FBXL18: variants seen among roughly 807,000 people sequenced by gnomAD.
The protein encoded by FBXL18 is F-box and leucine rich repeat protein 18.
A neutral mutation model predicts 46.0 loss-of-function variants in FBXL18; 36 were observed. The observed-to-expected ratio is 0.78, with a 90% confidence interval of 0.60 to 1.03. The LOEUF (loss-of-function observed/expected upper bound fraction) is 1.03. FBXL18 is among the 50% of genes least tolerant of loss of function. The probability of loss-of-function intolerance (pLI) is 0.00; values close to 1 mark genes in which losing one functional copy is unlikely to be tolerated. For missense variants in FBXL18, 977 were observed against 1,004.1 expected, an observed-to-expected ratio of 0.97 and a Z score of 0.36; for synonymous variants, 557 against 465.3, an observed-to-expected ratio of 1.20 and a Z score of -2.54.
In FBXL18 at chr7:5,476,642, T is replaced by A. The variant is rs557703761; in HGVS notation, c.*5133A>T. On this transcript the variant is annotated 3_prime_UTR_variant, in exon 5 of 5. Transcript: ENST00000382368. ...ACAATGCCCAGCTAACTTTTTTTTT[T>A]ATTTTATGTAGCGATACAGTCTCAC... 2 of 151,948 alleles carry A rather than the reference T, an allele frequency of 1.3e-5. No homozygotes were observed. The highest frequency in any genetic ancestry group is 1.9e-4 in the East Asian group (1 of 5,138). 9.4% of individuals were successfully genotyped at this position (151,948 alleles called of 1,614,324 possible). A position where few individuals can be genotyped will look rare whatever the true frequency, so the allele number is the denominator to read the frequency against.
At position 5,476,046 on chromosome 7, in the gene FBXL18, G is replaced by T. The variant is rs1221247943; in HGVS notation, c.*5729C>A. ...GGCGAGACCCCCAGGTCCAGGGAAAGGTCTCCCCTTAAAACCACGTGGAGC... is the reference window on the plus strand; with the variant it reads ...GGCGAGACCCCCAGGTCCAGGGAAATGTCTCCCCTTAAAACCACGTGGAGC... On this transcript the variant is annotated 3_prime_UTR_variant, in exon 5 of 5. Transcript: ENST00000382368. The T allele has an allele frequency of 1.3e-5, 2 of 152,208 alleles. No homozygotes were observed. Among genetic ancestry groups the T allele is most frequent in the Admixed American group, 6.6e-5 (1 of 15,266 alleles). 9.4% of individuals were successfully genotyped at this position (152,208 alleles called of 1,614,324 possible). A position where few individuals can be genotyped will look rare whatever the true frequency, so the allele number is the denominator to read the frequency against.
rs759748743 is a variant in FBXL18, at chr7:5,501,975, C to T, written c.294G>A (p.Gln98=). The part of the protein sequence containing the change: ...LVKEIGREIQ[Q]LSMAGCYWLP... ...GCCAGTAGCAGCCAGCCATGCTCAG[C>T]TGCTGGATCTCCCGGCCGATCTCCT... The change falls in exon 3 of 5, where the codon CAG becomes CAA. Residue 98 remains glutamine (Q), a synonymous_variant. Transcript: ENST00000382368. 3.3e-5 allele frequency: 53 copies of T among 1,608,020 alleles called. No homozygotes were observed. Among genetic ancestry groups the T allele is most frequent in the Non-Finnish European group, 7.6e-6 (9 of 1,177,978 alleles).
At chr7:5,473,058 C>T (rs1379509059), downstream of FBXL18, among the ~76,000 whole-genome samples, 1 of 152,150 alleles carries the variant, frequency 6.6e-6, no homozygotes, top group Non-Finnish European at 1.5e-5. Flanking sequence ...TCAGCCCCCA[C>T]CCACTGCCCA....
In FBXL18 at chr7:5,455,763, A is replaced by AACAC. The variant is rs36071919; in HGVS notation, c.2001-7924_2001-7921dup. 3.3e-3 allele frequency among the ~76,000 whole-genome samples: 465 copies of AACAC among 142,722 alleles called. 5 individuals carry two copies. Among genetic ancestry groups the AACAC allele is most frequent in the African/African-American group, 0.01 (401 of 38,440 alleles). 93.6% of individuals were successfully genotyped at this position (142,722 alleles called of 152,430 possible). The stretch of plus-strand genomic sequence containing the variant: ...CCCCCACCCCCACTACACACACACA[A>AACAC]ACACACACACACACACACACACACC... On this transcript the variant is annotated intron_variant and NMD_transcript_variant, in intron 4 of 6. Transcript: ENST00000415009. The surrounding 1 kb of genome is among the most constrained non-coding windows in gnomAD (Gnocchi z 4.6).
Position 5,501,377 on chromosome 7 carries a change from G to C in FBXL18, c.892C>G (p.Pro298Ala). 6.2e-7 allele frequency: 1 copy of C among 1,614,044 alleles called. No individual in the cohort carries two copies. The highest frequency in any genetic ancestry group is 8.5e-7 in the Non-Finnish European group (1 of 1,180,032). The stretch of plus-strand genomic sequence containing the variant: ...GAAGAGCCGTTCAGCCAGGACTTGG[G>C]CAGCTGCAGGGCATCCAGCACGACA... ...RNVVLDALQL[P>A]KSWLNGSSLL... The change falls in exon 3 of 5, where the codon CCC becomes GCC. Residue 298 changes from proline to alanine, a missense_variant. Physicochemically the swap from Pro to Ala is conservative, Grantham distance 27. Coordinates refer to ENST00000382368, the MANE Select transcript of FBXL18 (RefSeq NM_024963.6).
At chr7:5,458,465 T>C (rs1783201968) in intron 4 of FBXL18, among the ~76,000 whole-genome samples, 1 of 151,614 alleles carries the variant, frequency 6.6e-6, no homozygotes, top group South Asian at 2.1e-4. Flanking sequence ...TTTGGGAGGC[T>C]GCGGCGGGCG....
chr7:5,497,671 G>A (rs1191481260), intron 3 of FBXL18, among the ~76,000 whole-genome samples: 2 of 152,146 alleles, frequency 1.3e-5, no homozygotes. Context: ...ATTTACAAGG[G>A]GCGCCCTTAT....
intron 3 of FBXL18, among the ~76,000 whole-genome samples, chr7:5,498,950 C>A (rs564934411): frequency 7.2e-5 from 11 of 152,294 alleles, no homozygotes; most frequent in Non-Finnish European, 1.2e-4. Context: ...AATTCTTATT[C>A]CTTAAATACT....
At chr7:5,464,371 C>G (rs187252858) in intron 4 of FBXL18, among the ~76,000 whole-genome samples, 1 of 151,748 alleles carries the variant, frequency 6.6e-6, no homozygotes, top group Non-Finnish European at 1.5e-5. Context: ...CCCAGCTATT[C>G]GGGAGGCTGA....
In FBXL18 at chr7:5,496,249, C is replaced by T. The variant is rs1784077751; in HGVS notation, c.1781+4239G>A. ...AATATCAAAGGGGTCAAGACCTGTA[C>T]ACCCATGAAAAGCACCTGGCAGAGG... On this transcript the variant is annotated intron_variant, in intron 3 of 4. Coordinates refer to ENST00000382368, the MANE Select transcript of FBXL18 (RefSeq NM_024963.6). The surrounding 1 kb of genome is among the most constrained non-coding windows in gnomAD (Gnocchi z 4.8). Among the ~76,000 whole-genome samples the T allele has an allele frequency of 6.6e-6, 1 of 152,150 alleles. No homozygotes were observed. The highest frequency in any genetic ancestry group is 6.5e-5 in the Admixed American group (1 of 15,272).
chr7:5,492,593 G>A (rs751190266), intron 3 of FBXL18, among the ~76,000 whole-genome samples: 4 of 152,036 alleles, frequency 2.6e-5, no homozygotes, highest in Non-Finnish European at 5.9e-5. Flanking sequence ...CTGAGGGTGT[G>A]GCCTTATTTG....
rs779728897 is a variant in FBXL18, at chr7:5,513,691, A to AACCGCG, written c.-23_-18dup. ...GCTGGCCATGTCGCCGGCGGGTCCG[A>AACCGCG]ACCGCGGCCGCGGGATCCGCAACCC... On this transcript the variant is annotated 5_prime_UTR_variant, in exon 1 of 5. Coordinates refer to ENST00000382368, the MANE Select transcript of FBXL18 (RefSeq NM_024963.6). 2 of 1,600,696 alleles carry AACCGCG rather than the reference A, an allele frequency of 1.2e-6. No individual in the cohort carries two copies. The highest frequency in any genetic ancestry group is 8.5e-7 in the Non-Finnish European group (1 of 1,174,012).
chr7:5,471,075 C>T (rs56220358), downstream of FBXL18, among the ~76,000 whole-genome samples: 31,945 of 152,186 alleles, frequency 0.21, 3,454 homozygotes, highest in Middle Eastern at 0.24. Context: ...GACCCCCGGG[C>T]GCCCCGACTT....
chr7:5,512,441 C>G (rs1386479431), intron 1 of FBXL18, among the ~76,000 whole-genome samples: 1 of 152,044 alleles, frequency 6.6e-6, no homozygotes, highest in African/African-American at 2.4e-5. Context: ...ATGGCGAAAC[C>G]CTGTCTCTAC....
chr7:5,502,976 C>T (rs756167869), intron 2 of FBXL18, among the ~76,000 whole-genome samples: 2 of 152,228 alleles, frequency 1.3e-5, no homozygotes, highest in Non-Finnish European at 2.9e-5. Flanking sequence ...TGCCTGTTCA[C>T]TGCAACAGAT....
intron 1 of FBXL18, among the ~76,000 whole-genome samples, chr7:5,510,470 T>A (rs1784503407): frequency 6.6e-6 from 1 of 150,956 alleles, no homozygotes. Context: ...GATCACGAGG[T>A]CAGGAGTTCG....
chr7:5,467,390 T>C (rs1053163376), intron 4 of FBXL18, among the ~76,000 whole-genome samples: 1 of 144,878 alleles, frequency 6.9e-6, no homozygotes, highest in Non-Finnish European at 1.5e-5. Context: ...TAAATAAAAA[T>C]AAAAAATTAG....
chr7:5,511,764 T>A (rs1222200100), intron 1 of FBXL18, among the ~76,000 whole-genome samples: 29 of 124,996 alleles, frequency 2.3e-4, no homozygotes, highest in African/African-American at 7.8e-4. Context: ...CGAGACTCCA[T>A]CTCAAAAAAA....
intron 4 of FBXL18, among the ~76,000 whole-genome samples, chr7:5,470,775 A>G (rs937381337): frequency 5.3e-5 from 8 of 151,820 alleles, no homozygotes; most frequent in African/African-American, 1.9e-4. Context: ...GGCCCCCGGC[A>G]CCTGTGAAGG....
Sources: gnomAD v4.1 joint callset for allele counts (sites outside exome capture counted in the v4.1 genomes callset) on GRCh38, gnomAD v4.1.1 for gene constraint, Gnocchi (gnomAD v3.1) non-coding constraint, MANE v1.5 for transcripts, NCBI Gene and HGNC (gene_info 2026-07-23, HGNC 2026-07-21) for gene names.